The following ZNF385D variants were observed in gnomAD, a reference collection of about 807,000 sequenced individuals.
The protein encoded by ZNF385D is zinc finger protein 659.
In ZNF385D, 15 loss-of-function variants were observed where a neutral mutation model predicts 35.8. The observed-to-expected ratio is 0.42, with a 90% CI of 0.28 to 0.64. The LOEUF (loss-of-function observed/expected upper bound fraction) is 0.64. ZNF385D is among the 30% of genes least tolerant of loss of function. The pLI is 0.23. For synonymous variants in ZNF385D, 212 were observed against 186.8 expected, an observed-to-expected ratio of 1.13 and a Z score of -1.10; for missense variants, 474 against 494.6, an observed-to-expected ratio of 0.96 and a Z score of 0.39.
chr3:21,650,346 A>G (rs932010688), intron 2 of ZNF385D, among the ~76,000 whole-genome samples: 1 of 151,446 alleles, frequency 6.6e-6, no homozygotes, highest in Non-Finnish European at 1.5e-5. Flanking sequence ...TTTTTCTTCA[A>G]GTTGTTCTTT....
intron 3 of ZNF385D, among the ~76,000 whole-genome samples, chr3:21,778,843 G>C (rs966299826): frequency 2.6e-5 from 4 of 151,868 alleles, no homozygotes; most frequent in Admixed American, 1.3e-4. Flanking sequence ...GTGATGAAAA[G>C]ACTATTTTAA....
intron 3 of ZNF385D, among the ~76,000 whole-genome samples, chr3:21,919,894 T>G (rs925768512): frequency 4.6e-5 from 7 of 152,224 alleles, no homozygotes; most frequent in Admixed American, 6.5e-5. Flanking sequence ...AAAGTGTCTC[T>G]GCCACATTTC....
intron 3 of ZNF385D, among the ~76,000 whole-genome samples, chr3:21,990,437 T>C (rs1695086502): frequency 6.6e-6 from 1 of 152,226 alleles, no homozygotes; most frequent in African/African-American, 2.4e-5. Context: ...TAATATTGCC[T>C]GTGCCTTTAT....
intron 4 of ZNF385D, among the ~76,000 whole-genome samples, chr3:21,461,084 C>T (rs981330929): frequency 5.3e-5 from 8 of 152,118 alleles, no homozygotes; most frequent in African/African-American, 1.9e-4. Flanking sequence ...CATTGCAGTG[C>T]CAAGACCACA....
rs1254722989 is a variant in ZNF385D at position 21,417,732 on chromosome 3, A to G, written c.*3482T>C. 6.6e-6 allele frequency: 1 copy of G among 152,014 alleles called. No individual in the cohort carries two copies. The highest frequency in any genetic ancestry group is 2.4e-5 in the African/African-American group (1 of 41,398). 9.4% of individuals were successfully genotyped at this position (152,014 alleles called of 1,614,324 possible). A position where few individuals can be genotyped will look rare whatever the true frequency, so the allele number is the denominator to read the frequency against. On this transcript the variant is annotated 3_prime_UTR_variant, in exon 8 of 8. Transcript: ENST00000281523. ...GTCTTTTAATTCTTAGTCTTTTATG[A>G]TTTCCTGCTCTTTTAATTTTCAAGT...
chr3:21,766,028 G>C (rs1434645027), intron 3 of ZNF385D, among the ~76,000 whole-genome samples: 2 of 152,012 alleles, frequency 1.3e-5, no homozygotes, highest in Non-Finnish European at 1.5e-5. Context: ...AGAAAAGAAG[G>C]TAGCAGCATT....
At chr3:22,047,191 A>G (rs1376185232) in intron 3 of ZNF385D, among the ~76,000 whole-genome samples, 6 of 152,142 alleles carry the variant, frequency 3.9e-5, no homozygotes, top group Admixed American at 3.3e-4. Context: ...GAATGGCTAA[A>G]TCAAGCTAAT....
intron 3 of ZNF385D, among the ~76,000 whole-genome samples, chr3:21,807,201 AT>A (rs538903652): frequency 1.3e-4 from 20 of 152,372 alleles, no homozygotes; most frequent in Middle Eastern, 6.8e-3. Context: ...ATAAACTAAA[AT>A]ATCCAAATCA....
In ZNF385D at chr3:21,425,652, A is replaced by G. The variant is rs150069278; in HGVS notation, c.692T>C (p.Met231Thr). 36 of 1,587,272 alleles carry G rather than the reference A, an allele frequency of 2.3e-5. No homozygotes were observed. The highest frequency in any genetic ancestry group is 2.8e-5 in the Non-Finnish European group (33 of 1,164,406). ...GCCACTTCCATTCCGGGCTTCTAAC[A>G]TGGTTTTGTGCTTAGTACCTGTCAG... is the stretch of plus-strand genomic sequence containing the variant. The part of the protein sequence containing the change: ...AHNSGTKHKT[M>T]LEARNGSGTI... The change falls in exon 6 of 8, where the codon ATG (methionine) becomes ACG (threonine). Residue 231 changes from methionine to threonine, a missense_variant. Transcript: ENST00000281523.
intron 2 of ZNF385D, among the ~76,000 whole-genome samples, chr3:22,353,246 C>T (rs1178766640): frequency 1.3e-5 from 2 of 151,960 alleles, no homozygotes; most frequent in Non-Finnish European, 2.9e-5. Context: ...AAAAATGGGG[C>T]CATTCACTCA....
intron 3 of ZNF385D, among the ~76,000 whole-genome samples, chr3:21,771,912 A>T (rs1354337646): frequency 6.6e-6 from 1 of 152,026 alleles, no homozygotes; most frequent in African/African-American, 2.4e-5. Flanking sequence ...TAGAAAGCCC[A>T]GAAATAAACC....
chr3:22,024,346 T>A (rs1436738096), intron 3 of ZNF385D, among the ~76,000 whole-genome samples: 1 of 152,070 alleles, frequency 6.6e-6, no homozygotes, highest in South Asian at 2.1e-4. Context: ...AGGATACCTA[T>A]ATATCCTATT....
chr3:22,083,899 C>A lies in ZNF385D; in HGVS notation c.325+84918G>T, dbSNP rs549635590. Among the ~76,000 whole-genome samples, 3 of 152,332 alleles carry A rather than the reference C, an allele frequency of 2.0e-5. No homozygotes were observed. The South Asian group carries it at 6.2e-4, about 32-fold the overall frequency. ...AGCTGATCTCTCAGCAGAAACTCTA[C>A]AAGCCAGAAGAGAGTGGGGGCCAAT... is the stretch of plus-strand genomic sequence containing the variant. On this transcript the variant is annotated intron_variant, in intron 3 of 5. Coordinates refer to the ZNF385D transcript ENST00000494108.
intron 2 of ZNF385D, among the ~76,000 whole-genome samples, chr3:22,241,386 T>A (rs1338752519): frequency 2.6e-5 from 4 of 151,270 alleles, no homozygotes; most frequent in African/African-American, 9.8e-5. Flanking sequence ...GTTTTGATCT[T>A]TGCCTATTCT....
intron 3 of ZNF385D, among the ~76,000 whole-genome samples, chr3:22,111,132 A>G (rs1258496680): frequency 6.8e-6 from 1 of 146,040 alleles, no homozygotes; most frequent in Admixed American, 6.9e-5. Context: ...AAGCAGTAAC[A>G]TATTGAGGCT....
At chr3:21,671,974 G>A (rs906085966) in intron 1 of ZNF385D, among the ~76,000 whole-genome samples, 12 of 152,130 alleles carry the variant, frequency 7.9e-5, no homozygotes, top group East Asian at 7.8e-4. Flanking sequence ...TGACCAAATC[G>A]GATAAATAAA....
chr3:22,089,502 C>T (rs1340020006), intron 3 of ZNF385D, among the ~76,000 whole-genome samples: 1 of 152,166 alleles, frequency 6.6e-6, no homozygotes, highest in African/African-American at 2.4e-5. Context: ...ACACCTGGCT[C>T]CAGCAGTGTG....
At chr3:21,989,545 A>T (rs1176876462) in intron 3 of ZNF385D, among the ~76,000 whole-genome samples, 2 of 152,174 alleles carry the variant, frequency 1.3e-5, no homozygotes, top group African/African-American at 4.8e-5. Context: ...ACTTGGAACA[A>T]ATATTTGAAT....
chr3:21,882,238 C>T (rs565877424), intron 3 of ZNF385D, among the ~76,000 whole-genome samples: 3 of 151,912 alleles, frequency 2.0e-5, no homozygotes, highest in Non-Finnish European at 4.4e-5. Context: ...ATGCAGTAAA[C>T]ATCTTTGTCT....
Sources: allele counts gnomAD v4.1 joint callset (sites outside exome capture counted in the v4.1 genomes callset), GRCh38; gene constraint gnomAD v4.1.1; transcripts MANE v1.5; gene names NCBI Gene and HGNC (gene_info 2026-07-23, HGNC 2026-07-21).